USP48: variants seen among roughly 807,000 people sequenced by gnomAD.
USP48 encodes the protein ubiquitin specific peptidase 48, also known as ubiquitin carboxyl-terminal hydrolase 48.
In USP48, 43 loss-of-function variants were observed where a neutral mutation model predicts 150.7. The observed-to-expected ratio is 0.29, with a 90% CI of 0.22 to 0.37. The LOEUF (loss-of-function observed/expected upper bound fraction) is 0.37. Ranked by LOEUF, USP48 falls within the 10% of genes least tolerant of loss-of-function variation. The pLI, the probability that USP48 is intolerant of heterozygous loss-of-function variation, is 1.00. For synonymous variants in USP48, 396 were observed against 425.9 expected, an observed-to-expected ratio of 0.93 and a Z score of 0.86; for missense variants, 813 against 1,249.6, an observed-to-expected ratio of 0.65 and a Z score of 5.27.
chr1:21,774,553 G>T (rs2152649166), intron 1 of USP48, among the ~76,000 whole-genome samples: 1 of 151,958 alleles, frequency 6.6e-6, no homozygotes, highest in South Asian at 2.1e-4. Context: ...CGGGTGTGGT[G>T]GGGCGCCCCT....
chr1:21,688,901 C>T lies in USP48; in HGVS notation c.3009+1073G>A, dbSNP rs1355332145. On this transcript the variant is annotated intron_variant, in intron 24 of 26. Transcript: ENST00000308271. Reference sequence around the variant, plus strand: ...CTTTCTACATCTACTAAATCCAAAACCAATTTCCATGCCTTGGACAGAATC... The same window carrying T: ...CTTTCTACATCTACTAAATCCAAAATCAATTTCCATGCCTTGGACAGAATC... Among the ~76,000 whole-genome samples the T allele has an allele frequency of 2.7e-5, 4 of 147,560 alleles. No individual in the cohort carries two copies. In the East Asian group the frequency reaches 8.2e-4, roughly 30 times the overall value.
intron 8 of USP48, among the ~76,000 whole-genome samples, chr1:21,742,560 G>GAAAAGA (rs1242166792): frequency 4.3e-5 from 6 of 138,926 alleles, no homozygotes; most frequent in East Asian, 2.0e-4. Flanking sequence ...AAAAAGAAAA[G>GAAAAGA]AAAAGAAAAA....
At chr1:21,754,751 GA>G (rs2097827125) in intron 3 of USP48, among the ~76,000 whole-genome samples, 1 of 152,160 alleles carries the variant, frequency 6.6e-6, no homozygotes, top group Admixed American at 6.5e-5. Context: ...TGCCTCCAGT[GA>G]GGCATTTCCT....
At chr1:21,684,778 C>T (rs1004737111) in intron 25 of USP48, among the ~76,000 whole-genome samples, 6 of 152,158 alleles carry the variant, frequency 3.9e-5, no homozygotes, top group African/African-American at 1.4e-4. Flanking sequence ...CCAGTTTTCC[C>T]AGCAAAATCT....
intron 5 of USP48, 57 bp from the exon 6 acceptor site, chr1:21,751,672 T>C (rs986799649): frequency 2.7e-5 from 36 of 1,310,974 alleles, no homozygotes; most frequent in African/African-American, 4.4e-5. Flanking sequence ...AACAAAGTTA[T>C]ATTGTATTAC....
intron 19 of USP48, 142 bp from the exon 20 acceptor site, chr1:21,704,534 CAAAGA>C: frequency 4.4e-6 from 4 of 918,312 alleles, no homozygotes; most frequent in Non-Finnish European, 6.1e-6. Flanking sequence ...GTATCATCAA[CAAAGA>C]ATAGTTTTTC....
At chr1:21,767,040 G>T (rs967182601) in intron 1 of USP48, among the ~76,000 whole-genome samples, 1 of 151,988 alleles carries the variant, frequency 6.6e-6, no homozygotes, top group Non-Finnish European at 1.5e-5. Context: ...CTCCAGCCTG[G>T]GTGACAGAGC....
intron 8 of USP48, among the ~76,000 whole-genome samples, chr1:21,743,662 A>G (rs1482269716): frequency 6.6e-6 from 1 of 152,168 alleles, no homozygotes; most frequent in Non-Finnish European, 1.5e-5. Flanking sequence ...GGTTACACTT[A>G]AGGGGAGGAA....
At chr1:21,708,261 G>A (rs2097678860) in intron 15 of USP48, among the ~76,000 whole-genome samples, 1 of 152,156 alleles carries the variant, frequency 6.6e-6, no homozygotes, top group African/African-American at 2.4e-5. Flanking sequence ...AGCACTTTGG[G>A]AGGCTGAGGG....
chr1:21,686,629 C>T (rs1234637412), intron 25 of USP48: 1 of 152,426 alleles, frequency 6.6e-6, no homozygotes, highest in Non-Finnish European at 1.5e-5. Flanking sequence ...AAGTAATGGG[C>T]TGCCCGAATT....
chr1:21,723,152 T>C (rs1055856449), intron 12 of USP48, among the ~76,000 whole-genome samples: 4 of 152,278 alleles, frequency 2.6e-5, no homozygotes, highest in East Asian at 3.9e-4. Context: ...TATATAGCTC[T>C]ATATTTAAGG....
intron 14 of USP48, among the ~76,000 whole-genome samples, chr1:21,716,195 G>C (rs1345721392): frequency 6.6e-6 from 1 of 151,840 alleles, no homozygotes; most frequent in East Asian, 1.9e-4. Flanking sequence ...TACTTCCACC[G>C]TTCCACTTAA....
At chr1:21,719,816 G>A (rs927464307) in intron 14 of USP48, among the ~76,000 whole-genome samples, 6 of 152,178 alleles carry the variant, frequency 3.9e-5, no homozygotes, top group Non-Finnish European at 8.8e-5. Flanking sequence ...GCAGTGAGGC[G>A]GAGATTGCAG....
intron 8 of USP48, among the ~76,000 whole-genome samples, chr1:21,744,824 AGGAATATGGCAAG>A (rs2097790707): frequency 6.8e-6 from 1 of 147,410 alleles, no homozygotes; most frequent in Non-Finnish European, 1.5e-5. Context: ...TAAGTCCCCA[AGGAATATGGCAAG>A]ACTTGAGTTT....
intron 5 of USP48, among the ~76,000 whole-genome samples, chr1:21,752,167 T>C (rs2097817627): frequency 6.6e-6 from 1 of 152,208 alleles, no homozygotes; most frequent in Admixed American, 6.6e-5. Context: ...TAGGTTTTAA[T>C]GTAACCATCA....
intron 9 of USP48, among the ~76,000 whole-genome samples, chr1:21,733,332 G>T (rs551993931): frequency 6.6e-6 from 1 of 152,174 alleles, no homozygotes; most frequent in South Asian, 2.1e-4. Flanking sequence ...CAGGAGAATC[G>T]TTTGAACCTG....
chr1:21,727,083 A>G (rs188955879), intron 11 of USP48, among the ~76,000 whole-genome samples: 54 of 152,316 alleles, frequency 3.5e-4, no homozygotes, highest in Middle Eastern at 3.4e-3. Flanking sequence ...GTATATTTCA[A>G]TGGAAATAAA....
Position 21,715,381 on chromosome 1 carries a change from T to C in USP48, c.1963+8A>G. 1 of 1,582,102 alleles carries C rather than the reference T, an allele frequency of 6.3e-7. No homozygotes were observed. The highest frequency in any genetic ancestry group is 8.6e-7 in the Non-Finnish European group (1 of 1,156,406). The stretch of plus-strand genomic sequence containing the variant: ...ATAAAACAGAATTCATTTATGCTTC[T>C]AGCTTACCATGTGGACACAGAATAT... On this transcript the variant is annotated splice_region_variant and intron_variant, in intron 15 of 26. Coordinates refer to ENST00000308271, the MANE Select transcript of USP48 (RefSeq NM_032236.8).
intron 1 of USP48, among the ~76,000 whole-genome samples, chr1:21,771,436 AT>A: frequency 6.7e-6 from 1 of 148,388 alleles, no homozygotes; most frequent in East Asian, 1.9e-4. Context: ...TTATAATTTT[AT>A]AATTATAAAT....
Sources: gnomAD v4.1 joint callset for allele counts (sites outside exome capture counted in the v4.1 genomes callset) on GRCh38, gnomAD v4.1.1 for gene constraint, MANE v1.5 for transcripts, NCBI Gene and HGNC (gene_info 2026-07-23, HGNC 2026-07-21) for gene names.